Variants in HSPBP1 observed in about 807,000 individuals in gnomAD.
The protein encoded by HSPBP1 is hsp70-binding protein 1.
A neutral mutation model predicts 41.7 loss-of-function variants in HSPBP1; 31 were observed. That is an observed-to-expected ratio of 0.74 (90% CI 0.56 to 1.00). HSPBP1 has a LOEUF of 1.00. Ranked by LOEUF, HSPBP1 falls within the 50% of genes least tolerant of loss-of-function variation. The pLI is 0.00. For synonymous variants in HSPBP1, 199 were observed against 214.4 expected, an observed-to-expected ratio of 0.93 and a Z score of 0.63; for missense variants, 439 against 487.9, an observed-to-expected ratio of 0.90 and a Z score of 0.94.
intron 2 of HSPBP1, 56 bp from the exon 3 acceptor site, chr19:55,277,902 G>T: frequency 7.3e-7 from 1 of 1,375,846 alleles, no homozygotes; most frequent in Non-Finnish European, 9.7e-7. Flanking sequence ...CATTACAAAG[G>T]AACAGCCATT....
At position 55,270,319 on chromosome 19, in the gene HSPBP1, G is replaced by A. The variant is rs1444270284; in HGVS notation, c.641-4033C>T. On this transcript the variant is annotated intron_variant, in intron 4 of 7. Coordinates refer to ENST00000433386, the MANE Select transcript of HSPBP1 (RefSeq NM_012267.5). This position sits in a 1 kb window ranked among gnomAD's most constrained non-coding sequence, Gnocchi z 5.4. ...CTGCCAGCAAAACTCTGCTAGCCCC[G>A]GGGCGAGCCATGGTGGAAGCCCATC... Among the ~76,000 whole-genome samples the A allele has an allele frequency of 1.3e-5, 2 of 152,162 alleles. No individual in the cohort carries two copies. The highest frequency in any genetic ancestry group is 2.9e-5 in the Non-Finnish European group (2 of 68,024).
intron 4 of HSPBP1, among the ~76,000 whole-genome samples, chr19:55,271,329 G>T (rs1034888033): frequency 3.3e-5 from 5 of 151,848 alleles, no homozygotes; most frequent in Non-Finnish European, 5.9e-5. Flanking sequence ...TCCCTCCTCA[G>T]CCTCCCAGGT....
intron 4 of HSPBP1, among the ~76,000 whole-genome samples, chr19:55,269,924 C>A (rs1295262353): frequency 1.3e-5 from 2 of 152,168 alleles, no homozygotes; most frequent in Non-Finnish European, 2.9e-5. Flanking sequence ...TAGACTGTAA[C>A]AAGGAACCAC....
chr19:55,262,834 G>T (rs1216172200), intron 7 of HSPBP1, 152 bp from the exon 8 acceptor site: 2 of 669,198 alleles, frequency 3.0e-6, no homozygotes, highest in Admixed American at 5.4e-5. Context: ...TCACTGCTCA[G>T]ATCCATGATT....
At chr19:55,262,874 T>G (rs148897089) in intron 7 of HSPBP1, among the ~76,000 whole-genome samples, 192 bp from the exon 8 acceptor site, 1 of 152,304 alleles carries the variant, frequency 6.6e-6, no homozygotes, top group East Asian at 1.9e-4. Flanking sequence ...TCTGAACTAC[T>G]TGAACTAGAA....
At chr19:55,267,465 T>C (rs1174453591) in intron 4 of HSPBP1, among the ~76,000 whole-genome samples, 1 of 20,064 alleles carries the variant, frequency 5.0e-5, no homozygotes, top group African/African-American at 3.6e-4. Flanking sequence ...CATCTCTCTC[T>C]TTTTTTTTTT....
At chr19:55,267,227 CT>C (rs1268140212) in intron 4 of HSPBP1, among the ~76,000 whole-genome samples, 2 of 152,162 alleles carry the variant, frequency 1.3e-5, no homozygotes. Context: ...TCTTGGCTCA[CT>C]GTAACCTCCG....
intron 7 of HSPBP1, among the ~76,000 whole-genome samples, chr19:55,263,693 G>A (rs1458931900): frequency 3.3e-5 from 5 of 152,104 alleles, no homozygotes; most frequent in Non-Finnish European, 5.9e-5. Flanking sequence ...ATCACAGCAC[G>A]GCAGGCTTAT....
chr19:55,262,688 T>C lies in HSPBP1; in HGVS notation c.1006-6A>G, dbSNP rs776777264. ...TCACAGAACTCCAGCTCCTCCTGGA[T>C]TGGGCAGGGGCAGGGAGCAAGGGGC... On this transcript the variant is annotated splice_polypyrimidine_tract_variant and splice_region_variant and intron_variant, in intron 7 of 7. Coordinates refer to ENST00000433386, the MANE Select transcript of HSPBP1 (RefSeq NM_012267.5). The C allele has an allele frequency of 2.5e-6, 4 of 1,611,950 alleles. No homozygotes were observed. Among genetic ancestry groups the C allele is most frequent in the South Asian group, 1.1e-5 (1 of 90,568 alleles).
chr19:55,265,322 G>T lies in HSPBP1; in HGVS notation c.961C>A (p.Leu321Ile). Residue 321 changes from leucine to isoleucine, a missense_variant, in exon 7 of 8, where the codon CTC (leucine) becomes ATC (isoleucine). Leu to Ile is a conservative substitution (Grantham distance 5). Coordinates refer to ENST00000433386, the MANE Select transcript of HSPBP1 (RefSeq NM_012267.5). ...TGCAGCAGCTGACAGCGGTGGCGGA[G>T]GAGCTCCTCCAGGCCCAGTTCCGGC... is the stretch of plus-strand genomic sequence containing the variant. ...REPELGLEEL[L>I]RHRCQLLQQH... 1.2e-6 allele frequency: 2 copies of T among 1,613,074 alleles called. No individual in the cohort carries two copies. Among genetic ancestry groups the T allele is most frequent in the Non-Finnish European group, 1.7e-6 (2 of 1,179,766 alleles).
At chr19:55,266,475 TCCTCACCAC>T (rs2087787232) in intron 4 of HSPBP1, among the ~76,000 whole-genome samples, 189 bp from the exon 5 acceptor site, 1 of 330 alleles carries the variant, frequency 3.0e-3, no homozygotes, top group Non-Finnish European at 8.8e-3. Flanking sequence ...ATCACCACCA[TCCTCACCAC>T]CACCACCATC....
chr19:55,272,579 G>A lies in HSPBP1; in HGVS notation c.640+1819C>T, dbSNP rs371711153. Among the ~76,000 whole-genome samples, 4 of 152,154 alleles carry A rather than the reference G, an allele frequency of 2.6e-5. No homozygotes were observed. The highest frequency in any genetic ancestry group is 7.2e-5 in the African/African-American group (3 of 41,440). ...ATTTTGGCCGGGCGCAGTGGCTCACGCCTGTAATCCCAACACTTTGGGAGG... is the reference window on the plus strand; with the variant it reads ...ATTTTGGCCGGGCGCAGTGGCTCACACCTGTAATCCCAACACTTTGGGAGG... On this transcript the variant is annotated intron_variant, in intron 4 of 7. Transcript: ENST00000433386. The surrounding 1 kb of genome is among the most constrained non-coding windows in gnomAD (Gnocchi z 4.2).
rs776519366 is a variant in HSPBP1 at position 55,279,393 on chromosome 19, C to T, written c.210+6G>A. 1 of 1,583,060 alleles carries T rather than the reference C, an allele frequency of 6.3e-7. No individual in the cohort carries two copies. The stretch of plus-strand genomic sequence containing the variant: ...CACCCCAGCTTCTTGGGTCCCCATC[C>T]TTTACCTCCTCACTCATCGGTTCTG... On this transcript the variant is annotated splice_donor_region_variant and intron_variant, in intron 2 of 7. Transcript: ENST00000433386.
chr19:55,270,866 C>T lies in HSPBP1; in HGVS notation c.640+3532G>A, dbSNP rs1274430537. ...ATCCCCCCAGCACACACATCCCACA[C>T]ACATACACATGCAACACACACACCA... On this transcript the variant is annotated intron_variant, in intron 4 of 7. Coordinates refer to ENST00000433386, the MANE Select transcript of HSPBP1 (RefSeq NM_012267.5). This position sits in a 1 kb window ranked among gnomAD's most constrained non-coding sequence, Gnocchi z 5.4. Among the ~76,000 whole-genome samples the T allele has an allele frequency of 6.6e-6, 1 of 151,654 alleles. No individual in the cohort carries two copies. Among genetic ancestry groups the T allele is most frequent in the Non-Finnish European group, 1.5e-5 (1 of 67,908 alleles).
rs187385709 is a variant in HSPBP1 at position 55,263,023 on chromosome 19, T to A, written c.1006-341A>T. Among the ~76,000 whole-genome samples the A allele has an allele frequency of 2.0e-5, 3 of 152,138 alleles. No homozygotes were observed. In the East Asian group the frequency reaches 5.8e-4, roughly 29 times the overall value. ...CCCCAGAAACCATGAAAGAAAGCAC[T>A]GAGAGGTTAAACTACGTAATATAAA... On this transcript the variant is annotated intron_variant, in intron 7 of 7. Coordinates refer to ENST00000433386, the MANE Select transcript of HSPBP1 (RefSeq NM_012267.5).
chr19:55,279,434 C>A lies in HSPBP1; in HGVS notation c.175G>T (p.Glu59Ter), dbSNP rs1418742659. 1 of 1,603,890 alleles carries A rather than the reference C, an allele frequency of 6.2e-7. No homozygotes were observed. The highest frequency in any genetic ancestry group is 1.8e-5 in the Admixed American group (1 of 55,332). Reference protein sequence around the residue: ...LQMAITAGSEEPDPPPEPMSE... With the variant: ...LQMAITAGSE ...ATCGGTTCTGGAGGAGGGTCTGGCT[C>A]TTCAGAGCCCGCGGTGATGGCCATC... is the stretch of plus-strand genomic sequence containing the variant. Residue 59 changes from glutamate to a stop codon, truncating the protein, a stop_gained, in exon 2 of 8, where the codon GAG becomes TAG. Coordinates refer to ENST00000433386, the MANE Select transcript of HSPBP1 (RefSeq NM_012267.5). LOFTEE classifies it high-confidence loss of function.
chr19:55,279,360 A>C (rs1218247927), intron 2 of HSPBP1, 39 bp downstream of exon 2: 5 of 1,543,626 alleles, frequency 3.2e-6, no homozygotes, highest in Non-Finnish European at 2.6e-6. Context: ...ATCTGTCCCC[A>C]GGCCCCTCAC....
intron 7 of HSPBP1, among the ~76,000 whole-genome samples, chr19:55,263,223 A>G (rs975427504): frequency 6.6e-6 from 1 of 152,266 alleles, no homozygotes; most frequent in Non-Finnish European, 1.5e-5. Flanking sequence ...ACAGTTCACA[A>G]GAAAGAGAAA....
chr19:55,262,702 G>A lies in HSPBP1; in HGVS notation c.1006-20C>T. 1 of 1,608,302 alleles carries A rather than the reference G, an allele frequency of 6.2e-7. No individual in the cohort carries two copies. Among genetic ancestry groups the A allele is most frequent in the South Asian group, 1.1e-5 (1 of 89,966 alleles). On this transcript the variant is annotated intron_variant, in intron 7 of 7. Transcript: ENST00000433386. ...CTCCTCCTGGATTGGGCAGGGGCAG[G>A]GAGCAAGGGGCCTGAGTGCAGAGGC...
Sources: allele counts gnomAD v4.1 joint callset (sites outside exome capture counted in the v4.1 genomes callset), GRCh38; gene constraint gnomAD v4.1.1; non-coding constraint Gnocchi (gnomAD v3.1); transcripts MANE v1.5; gene names NCBI Gene and HGNC (gene_info 2026-07-23, HGNC 2026-07-21).